The following OLA1 variants were observed in gnomAD, a reference collection of about 807,000 sequenced individuals.
OLA1 encodes the protein obg-like ATPase 1.
A neutral mutation model predicts 48.4 loss-of-function variants in OLA1; 14 were observed. The observed-to-expected ratio is 0.29, with a 90% confidence interval of 0.19 to 0.45. The LOEUF is 0.45. Among genes scored for constraint, OLA1 ranks in the 20% least tolerant of loss-of-function variants. The pLI is 1.00. For synonymous variants in OLA1, 127 were observed against 150.4 expected, an observed-to-expected ratio of 0.84 and a Z score of 1.14; for missense variants, 325 against 467.1, an observed-to-expected ratio of 0.70 and a Z score of 2.80.
intron 7 of OLA1, 145 bp from the exon 8 acceptor site, chr2:174,082,209 G>A: frequency 2.6e-6 from 2 of 771,374 alleles, no homozygotes; most frequent in East Asian, 5.2e-5. Flanking sequence ...CCAAGGTCAA[G>A]GCATTAACAG....
At chr2:174,167,718 G>T (rs1441727010) in intron 4 of OLA1, among the ~76,000 whole-genome samples, 1 of 152,086 alleles carries the variant, frequency 6.6e-6, no homozygotes, top group Non-Finnish European at 1.5e-5. Flanking sequence ...GATTATACTT[G>T]GTAGTAAGTT....
chr2:174,174,069 G>A (rs532022708), intron 4 of OLA1, among the ~76,000 whole-genome samples: 13 of 146,370 alleles, frequency 8.9e-5, no homozygotes, highest in East Asian at 7.8e-4. Flanking sequence ...AAAACTCCAC[G>A]CCTAGATGGC....
chr2:174,178,138 A>C (rs866540121), intron 4 of OLA1, among the ~76,000 whole-genome samples: 1 of 152,202 alleles, frequency 6.6e-6, no homozygotes. Context: ...CTAAAGTATA[A>C]ATGCTTTTAG....
intron 5 of OLA1, among the ~76,000 whole-genome samples, chr2:174,132,243 G>A (rs1686200318): frequency 1.3e-5 from 2 of 151,696 alleles, no homozygotes; most frequent in African/African-American, 4.8e-5. Flanking sequence ...CTTTTTCCCC[G>A]TTCACTAGTC....
chr2:174,137,736 C>T (rs1183990942), intron 5 of OLA1, among the ~76,000 whole-genome samples: 6 of 152,214 alleles, frequency 3.9e-5, no homozygotes, highest in Non-Finnish European at 8.8e-5. Context: ...TCCAACTTTT[C>T]TTCTGCAGCT....
chr2:174,240,881 T>A (rs1458906657), intron 2 of OLA1, among the ~76,000 whole-genome samples: 1 of 152,138 alleles, frequency 6.6e-6, no homozygotes, highest in Non-Finnish European at 1.5e-5. Context: ...ACATCACATA[T>A]TTTGTATCAG....
intron 7 of OLA1, among the ~76,000 whole-genome samples, chr2:174,113,586 T>C (rs1290411932): frequency 6.6e-6 from 1 of 151,548 alleles, no homozygotes. Flanking sequence ...CTTATTATCC[T>C]AAAAAAAAAC....
chr2:174,184,703 T>C (rs554168213), intron 4 of OLA1, among the ~76,000 whole-genome samples: 39 of 152,292 alleles, frequency 2.6e-4, no homozygotes, highest in East Asian at 7.7e-4. Flanking sequence ...GAATTGAAAC[T>C]GAGTGAGGGG....
chr2:174,154,779 T>C (rs1558980141), intron 4 of OLA1, among the ~76,000 whole-genome samples: 1 of 152,216 alleles, frequency 6.6e-6, no homozygotes, highest in African/African-American at 2.4e-5. Flanking sequence ...CTGTAAGATA[T>C]GGATAAAGGG....
intron 4 of OLA1, among the ~76,000 whole-genome samples, chr2:174,165,999 C>A (rs987737636): frequency 6.6e-6 from 1 of 151,946 alleles, no homozygotes; most frequent in African/African-American, 2.4e-5. Context: ...GTGGCATGTG[C>A]CTGTAGTCCC....
At chr2:174,211,090 G>C (rs553292255) in intron 4 of OLA1, among the ~76,000 whole-genome samples, 42 of 152,110 alleles carry the variant, frequency 2.8e-4, no homozygotes, top group African/African-American at 9.4e-4. Context: ...ATAGGGAAAA[G>C]TCAGTTGCGT....
chr2:174,087,811 T>C (rs1574473355), intron 7 of OLA1, among the ~76,000 whole-genome samples: 1 of 152,326 alleles, frequency 6.6e-6, no homozygotes, highest in Non-Finnish European at 1.5e-5. Context: ...TGATTATAAT[T>C]TCTGAAAATC....
intron 1 of OLA1, chr2:174,247,351 G>T (rs549536331): frequency 1.4e-5 from 3 of 219,726 alleles, no homozygotes; most frequent in Non-Finnish European, 2.7e-5. Context: ...CTGCCTGAGC[G>T]ACAAAGCTAG....
rs138800000 is a variant in OLA1, at chr2:174,091,197, A to C, written c.729-9133T>G. Among the ~76,000 whole-genome samples, 747 of 152,308 alleles carry C rather than the reference A, an allele frequency of 4.9e-3. 10 individuals are homozygous for C. The Middle Eastern group carries it at 0.058, about 12-fold the overall frequency. ...GGTTATTTAACATCTCTTAGCTTTA[A>C]TATACTCATCTGCAAACTGGTCTAG... On this transcript the variant is annotated intron_variant, in intron 7 of 10. Coordinates refer to ENST00000284719, the MANE Select transcript of OLA1 (RefSeq NM_013341.5).
At chr2:174,207,525 G>T (rs1386664767) in intron 4 of OLA1, among the ~76,000 whole-genome samples, 1 of 152,178 alleles carries the variant, frequency 6.6e-6, no homozygotes, top group Non-Finnish European at 1.5e-5. Flanking sequence ...TTAAGAACTT[G>T]TCTGACCAGC....
intron 4 of OLA1, among the ~76,000 whole-genome samples, chr2:174,159,337 T>C (rs1169302466): frequency 1.3e-5 from 2 of 152,188 alleles, no homozygotes; most frequent in African/African-American, 4.8e-5. Flanking sequence ...GTAGGATAAA[T>C]AAGTGACTAC....
chr2:174,209,047 G>A (rs1278944895), intron 4 of OLA1, among the ~76,000 whole-genome samples: 2 of 152,102 alleles, frequency 1.3e-5, no homozygotes, highest in Non-Finnish European at 2.9e-5. Context: ...TTCAGCTATT[G>A]CTTGCGAGAC....
chr2:174,209,591 G>A (rs1559006209), intron 4 of OLA1, among the ~76,000 whole-genome samples: 1 of 152,104 alleles, frequency 6.6e-6, no homozygotes, highest in Admixed American at 6.6e-5. Flanking sequence ...TGAAGCAGAG[G>A]TGAACAATTT....
intron 7 of OLA1, among the ~76,000 whole-genome samples, chr2:174,119,732 G>T (rs1316192545): frequency 1.3e-5 from 2 of 152,020 alleles, no homozygotes; most frequent in African/African-American, 2.4e-5. Context: ...GGTATAATAA[G>T]AATAATAAAA....
Sources: allele counts gnomAD v4.1 joint callset (sites outside exome capture counted in the v4.1 genomes callset), GRCh38; gene constraint gnomAD v4.1.1; transcripts MANE v1.5; gene names NCBI Gene and HGNC (gene_info 2026-07-23, HGNC 2026-07-21).